Variants in PIGH observed in about 807,000 individuals in gnomAD.
The protein encoded by PIGH is phosphatidylinositol N-acetylglucosaminyltransferase subunit H.
In PIGH, 11 loss-of-function variants were observed where a neutral mutation model predicts 20.1. That is an observed-to-expected ratio of 0.55 (90% CI 0.34 to 0.91). PIGH has a LOEUF of 0.91. Ranked by LOEUF, PIGH falls within the 40% of genes least tolerant of loss-of-function variation. The pLI is 0.02. For missense variants in PIGH, 189 were observed against 233.6 expected, an observed-to-expected ratio of 0.81 and a Z score of 1.24; for synonymous variants, 72 against 93.1, an observed-to-expected ratio of 0.77 and a Z score of 1.31.
chr14:67,592,418 A>G, intron 3 of PIGH: 1 of 514,852 alleles, frequency 1.9e-6, no homozygotes, highest in Non-Finnish European at 3.5e-6. Flanking sequence ...AGCCTAGGTG[A>G]CAAAGTGAGA....
intron 3 of PIGH, chr14:67,592,428 ACT>A (rs1384734884): frequency 3.8e-6 from 2 of 531,560 alleles, no homozygotes; most frequent in South Asian, 2.3e-5. Context: ...ACAAAGTGAG[ACT>A]CTGTCTCTAA....
Position 67,589,755 on chromosome 14 carries a change from A to G in PIGH, c.*325T>C. 3.9e-6 allele frequency: 4 copies of G among 1,033,974 alleles called. No homozygotes were observed. Among genetic ancestry groups the G allele is most frequent in the Non-Finnish European group, 4.6e-6 (4 of 862,122 alleles). The allele number at this position is 1,033,974 out of a possible 1,614,324, so 64.0% of individuals were successfully genotyped here. Reference sequence around the variant, plus strand: ...CAGTTTCCCATTGTTTTGCTTCACAAACATCAACAAAGTAAACCTGAACAT... The same window carrying G: ...CAGTTTCCCATTGTTTTGCTTCACAGACATCAACAAAGTAAACCTGAACAT... On this transcript the variant is annotated 3_prime_UTR_variant, in exon 4 of 4. Transcript: ENST00000216452.
chr14:67,593,246 TG>T (rs1352585558), intron 2 of PIGH: 16 of 172,992 alleles, frequency 9.2e-5, no homozygotes, highest in Non-Finnish European at 1.9e-4. Context: ...ACTGAACACT[TG>T]GGGAGGCCAC....
chr14:67,599,958 C>T, intron 1 of PIGH, 66 bp downstream of exon 1: 1 of 1,384,730 alleles, frequency 7.2e-7, no homozygotes, highest in Non-Finnish European at 9.8e-7. Context: ...CGACCAAAGA[C>T]CCCAAAGACC....
chr14:67,589,979 G>C lies in PIGH; in HGVS notation c.*101C>G, dbSNP rs142424619. On this transcript the variant is annotated 3_prime_UTR_variant, in exon 4 of 4. Coordinates refer to ENST00000216452, the MANE Select transcript of PIGH (RefSeq NM_004569.5). ...TGCACTACATCCATAATGGTTCCTA[G>C]GACTGTGTCCACCTGATGGTTTGGA... is the stretch of plus-strand genomic sequence containing the variant. 135 of 1,437,790 alleles carry C rather than the reference G, an allele frequency of 9.4e-5. 1 individual carries two copies. The East Asian group carries it at 1.8e-3, about 19-fold the overall frequency. 89.1% of individuals were successfully genotyped at this position (1,437,790 alleles called of 1,614,324 possible). A position where few individuals can be genotyped will look rare whatever the true frequency, so the allele number is the denominator to read the frequency against.
intron 3 of PIGH, among the ~76,000 whole-genome samples, chr14:67,590,551 G>A (rs1292249307): frequency 6.6e-6 from 1 of 152,160 alleles, no homozygotes; most frequent in Non-Finnish European, 1.5e-5. Flanking sequence ...TAGAGACAGG[G>A]TTTCACCATG....
intron 1 of PIGH, among the ~76,000 whole-genome samples, chr14:67,594,339 A>C (rs1040448849): frequency 3.3e-5 from 5 of 151,992 alleles, no homozygotes; most frequent in Non-Finnish European, 5.9e-5. Flanking sequence ...CCAGCATAAG[A>C]CACTGTCTCT....
In PIGH at chr14:67,600,256, C is replaced by T. The variant is rs1404215116; in HGVS notation, c.-53G>A. 4.9e-6 allele frequency: 7 copies of T among 1,435,042 alleles called. No homozygotes were observed. Among genetic ancestry groups the T allele is most frequent in the Non-Finnish European group, 6.5e-6 (7 of 1,084,534 alleles). 88.9% of individuals were successfully genotyped at this position (1,435,042 alleles called of 1,614,324 possible). On this transcript the variant is annotated 5_prime_UTR_variant, in exon 1 of 4. Coordinates refer to ENST00000216452, the MANE Select transcript of PIGH (RefSeq NM_004569.5). The stretch of plus-strand genomic sequence containing the variant: ...CGCGGCGCTGCACTGCGCTCGCCGG[C>T]CCTGGCCGTCTCGCCCGCTCCAGAC...
intron 1 of PIGH, among the ~76,000 whole-genome samples, chr14:67,595,132 G>A (rs942016785): frequency 2.8e-5 from 2 of 70,454 alleles, no homozygotes; most frequent in Non-Finnish European, 8.1e-5. Flanking sequence ...GCGAGACTCC[G>A]TCTAAAAAAA....
chr14:67,595,391 G>A (rs1054472981), intron 1 of PIGH, among the ~76,000 whole-genome samples: 4 of 152,132 alleles, frequency 2.6e-5, no homozygotes, highest in African/African-American at 9.7e-5. Context: ...TCAAACCATC[G>A]TAAGTTGGGA....
At chr14:67,598,713 C>T (rs1594811506) in intron 1 of PIGH, among the ~76,000 whole-genome samples, 1 of 144,390 alleles carries the variant, frequency 6.9e-6, no homozygotes, top group Admixed American at 7.0e-5. Flanking sequence ...TATGAACAAA[C>T]TTTTTTTTTT....
chr14:67,592,404 C>T, intron 3 of PIGH: 2 of 497,786 alleles, frequency 4.0e-6, no homozygotes, highest in Non-Finnish European at 7.2e-6. Context: ...TGTCACTGCA[C>T]TCCAGCCTAG....
chr14:67,599,385 G>C (rs575447667), intron 1 of PIGH, among the ~76,000 whole-genome samples: 47 of 152,320 alleles, frequency 3.1e-4, no homozygotes, highest in African/African-American at 1.0e-3. Context: ...TTGAGGCTCA[G>C]AGAAAACAGG....
At chr14:67,595,890 T>C (rs2140633244) in intron 1 of PIGH, among the ~76,000 whole-genome samples, 1 of 152,306 alleles carries the variant, frequency 6.6e-6, no homozygotes, top group East Asian at 1.9e-4. Context: ...GGAGCCCTCC[T>C]ACCTTATGAC....
In PIGH at chr14:67,600,221, G is replaced by A; in HGVS notation, c.-18C>T. The A allele has an allele frequency of 6.4e-7, 1 of 1,551,496 alleles. No homozygotes were observed. The highest frequency in any genetic ancestry group is 1.4e-5 in the African/African-American group (1 of 73,170). ...TCCTCCATGACGCCCCCACTCGGCCGCCCGCACCGCGCGGCGCTGCACTGC... is the reference window on the plus strand; with the variant it reads ...TCCTCCATGACGCCCCCACTCGGCCACCCGCACCGCGCGGCGCTGCACTGC... On this transcript the variant is annotated 5_prime_UTR_variant, in exon 1 of 4. Coordinates refer to ENST00000216452, the MANE Select transcript of PIGH (RefSeq NM_004569.5).
intron 1 of PIGH, among the ~76,000 whole-genome samples, chr14:67,598,771 G>A (rs975618950): frequency 1.5e-4 from 22 of 149,610 alleles, no homozygotes; most frequent in African/African-American, 5.4e-4. Context: ...GTGCAGTGGC[G>A]TGATCTCGGC....
rs1186196298 is a variant in PIGH, at chr14:67,589,323, T to A, written c.*757A>T. The A allele has an allele frequency of 1.0e-6, 1 of 978,664 alleles. No individual in the cohort carries two copies. Among genetic ancestry groups the A allele is most frequent in the Non-Finnish European group, 1.2e-6 (1 of 823,914 alleles). 60.6% of individuals were successfully genotyped at this position (978,664 alleles called of 1,614,324 possible). ...TAGAAACAAAGGATTCAATATTTGC[T>A]TATTTATTCTTTGTTAACATGAGAG... On this transcript the variant is annotated 3_prime_UTR_variant, in exon 4 of 4. Transcript: ENST00000216452.
intron 1 of PIGH, among the ~76,000 whole-genome samples, chr14:67,596,886 C>T (rs2036485740): frequency 1.3e-5 from 2 of 152,234 alleles, no homozygotes; most frequent in African/African-American, 4.8e-5. Flanking sequence ...ATTTGGAAGT[C>T]TATACTGAAG....
intron 3 of PIGH, 76 bp from the exon 4 acceptor site, chr14:67,590,248 AATTT>A: frequency 1.7e-6 from 2 of 1,178,332 alleles, no homozygotes; most frequent in Non-Finnish European, 1.1e-6. Context: ...TCCACTTGCA[AATTT>A]TTTTTTTTTT....
Sources: gnomAD v4.1 joint callset for allele counts (sites outside exome capture counted in the v4.1 genomes callset) on GRCh38, gnomAD v4.1.1 for gene constraint, MANE v1.5 for transcripts, NCBI Gene and HGNC (gene_info 2026-07-23, HGNC 2026-07-21) for gene names.